ANK2: variants seen among roughly 807,000 people sequenced by gnomAD.
The protein encoded by ANK2 is ankyrin-2.
ANK2 carries 83 observed loss-of-function variants against 360.5 expected under a neutral mutation model. That is an observed-to-expected ratio of 0.23 (90% CI 0.19 to 0.28). The LOEUF is 0.28. Ranked by LOEUF, ANK2 falls within the 10% of genes least tolerant of loss-of-function variation. ANK2 has a pLI of 1.00. For synonymous variants in ANK2, 1,740 were observed against 1,759.5 expected, an observed-to-expected ratio of 0.99 and a Z score of 0.28; for missense variants, 4,201 against 4,795.7, an observed-to-expected ratio of 0.88 and a Z score of 3.66.
At chr4:112,812,074 CAAAAA>C in the ANK2 span, among the ~76,000 whole-genome samples, 19 of 79,158 alleles carry the variant, frequency 2.4e-4, no homozygotes, top group Middle Eastern at 7.8e-3. Flanking sequence ...GACTCCGTCT[CAAAAA>C]AAAAAAAAAA....
Position 113,264,904 on chromosome 4 carries a change from A to G in ANK2, c.1394A>G (p.Glu465Gly). The change falls in exon 14 of 46, where the codon GAG becomes GGG. Residue 465 changes from glutamate to glycine, a missense_variant. Coordinates refer to ENST00000357077, the MANE Select transcript of ANK2 (RefSeq NM_001148.6). ...ASPDVTNIRGETALHMAARAG... is the reference protein window; with the variant it reads ...ASPDVTNIRGGTALHMAARAG... ...ATCTTTGTTCCCTGGCAGCGTGGTG[A>G]GACGGCACTACACATGGCAGCCCGA... The G allele has an allele frequency of 6.4e-7, 1 of 1,562,820 alleles. No homozygotes were observed. Among genetic ancestry groups the G allele is most frequent in the Non-Finnish European group, 8.7e-7 (1 of 1,152,578 alleles).
intron 1 of ANK2, among the ~76,000 whole-genome samples, chr4:112,859,387 T>A (rs2067274134): frequency 6.6e-6 from 1 of 152,214 alleles, no homozygotes; most frequent in African/African-American, 2.4e-5. Flanking sequence ...CTATGTCTTT[T>A]AAATTCCTGC....
chr4:113,296,091 A>G (rs992334939), intron 22 of ANK2, among the ~76,000 whole-genome samples: 5 of 152,142 alleles, frequency 3.3e-5, no homozygotes, highest in Admixed American at 2.0e-4. Context: ...TAAGCTTCAG[A>G]TTTAGGTTGT....
intron 2 of ANK2, among the ~76,000 whole-genome samples, chr4:112,962,573 C>T (rs550273106): frequency 6.6e-6 from 1 of 152,238 alleles, no homozygotes; most frequent in African/African-American, 2.4e-5. Context: ...AATGGGATTG[C>T]TGGGTTGAAT....
intron 1 of ANK2, among the ~76,000 whole-genome samples, chr4:113,123,453 G>A (rs1254533884): frequency 1.3e-5 from 2 of 151,882 alleles, no homozygotes; most frequent in Non-Finnish European, 2.9e-5. Context: ...TTTTTTATTT[G>A]TATTTCTCAA....
intron 2 of ANK2, among the ~76,000 whole-genome samples, chr4:112,914,434 A>G (rs958217388): frequency 1.3e-5 from 2 of 152,086 alleles, no homozygotes; most frequent in Non-Finnish European, 2.9e-5. Flanking sequence ...CAGCCTGGCC[A>G]ACATGATGGA....
chr4:112,794,206 G>T, the ANK2 span, among the ~76,000 whole-genome samples: 1 of 152,142 alleles, frequency 6.6e-6, no homozygotes, highest in African/African-American at 2.4e-5. Context: ...AAATCCTTTG[G>T]AAAGTTTTCA....
At chr4:112,885,177 C>T (rs1270906876) in intron 1 of ANK2, among the ~76,000 whole-genome samples, 1 of 152,072 alleles carries the variant, frequency 6.6e-6, no homozygotes, top group Non-Finnish European at 1.5e-5. Context: ...CTTCCCTGTC[C>T]GTAATCACGC....
intron 2 of ANK2, among the ~76,000 whole-genome samples, chr4:112,991,189 A>G (rs375324290): frequency 1.4e-5 from 2 of 148,036 alleles, no homozygotes; most frequent in East Asian, 2.0e-4. Flanking sequence ...CAGAGGTTGC[A>G]GTGAGCCGTG....
chr4:112,899,178 A>G (rs1479029334), intron 1 of ANK2, among the ~76,000 whole-genome samples: 1 of 152,202 alleles, frequency 6.6e-6, no homozygotes, highest in Non-Finnish European at 1.5e-5. Flanking sequence ...ATCTTTATGC[A>G]TATTTTAATA....
At chr4:113,109,594 C>T (rs2094063008) in intron 1 of ANK2, among the ~76,000 whole-genome samples, 1 of 152,192 alleles carries the variant, frequency 6.6e-6, no homozygotes, top group Non-Finnish European at 1.5e-5. Flanking sequence ...TTGCCTGGAA[C>T]TTTTCAAAAT....
At chr4:113,146,945 G>A (rs574710254) in intron 1 of ANK2, among the ~76,000 whole-genome samples, 26 of 152,298 alleles carry the variant, frequency 1.7e-4, no homozygotes, top group Non-Finnish European at 3.2e-4. Flanking sequence ...TGAAGCATAG[G>A]AGGTGGTGCT....
At chr4:112,916,815 A>ATT (rs2089992065) in intron 2 of ANK2, among the ~76,000 whole-genome samples, 1 of 152,218 alleles carries the variant, frequency 6.6e-6, no homozygotes, top group Admixed American at 6.5e-5. Context: ...TATTCAATGT[A>ATT]TTTTAATAAG....
At chr4:113,154,190 C>T (rs1251875175) in intron 1 of ANK2, among the ~76,000 whole-genome samples, 3 of 152,180 alleles carry the variant, frequency 2.0e-5, no homozygotes. Context: ...AATATCTGTG[C>T]TGTATCACCA....
chr4:112,847,725 A>T (rs2063659055), intron 1 of ANK2, among the ~76,000 whole-genome samples: 1 of 152,232 alleles, frequency 6.6e-6, no homozygotes, highest in South Asian at 2.1e-4. Flanking sequence ...AATATATAAA[A>T]AAATAAATAA....
At chr4:112,796,448 A>C in the ANK2 span, among the ~76,000 whole-genome samples, 385 of 96,130 alleles carry the variant, frequency 4.0e-3, 1 homozygote, top group African/African-American at 0.018. Context: ...ATATATCTAT[A>C]TATCTATCTA....
At chr4:113,311,916 C>T (rs916725592) in intron 24 of ANK2, among the ~76,000 whole-genome samples, 2 of 152,118 alleles carry the variant, frequency 1.3e-5, no homozygotes, top group South Asian at 2.1e-4. Flanking sequence ...CAGAATCCCA[C>T]GAGAGCCTGG....
At chr4:113,020,457 A>G (rs559910631) in intron 2 of ANK2, among the ~76,000 whole-genome samples, 10 of 152,278 alleles carry the variant, frequency 6.6e-5, no homozygotes, top group Admixed American at 3.3e-4. Context: ...TGCCTCCTCA[A>G]GTGTTGGGTT....
At chr4:113,372,995 G>T in intron 43 of ANK2, 95 bp from the exon 44 acceptor site, 1 of 1,115,614 alleles carries the variant, frequency 9.0e-7, no homozygotes, top group South Asian at 1.2e-5. Flanking sequence ...CATCGCCTTT[G>T]ATTTTCTAAC....
Sources: gnomAD v4.1 joint callset for allele counts (sites outside exome capture counted in the v4.1 genomes callset) on GRCh38, gnomAD v4.1.1 for gene constraint, MANE v1.5 for transcripts, NCBI Gene and HGNC (gene_info 2026-07-23, HGNC 2026-07-21) for gene names.